The following SLC28A1 variants were observed in gnomAD, a reference collection of about 807,000 sequenced individuals.
SLC28A1 encodes sodium/nucleoside cotransporter 1.
SLC28A1 carries 64 observed loss-of-function variants against 74.8 expected under a neutral mutation model. The ratio of observed to expected loss-of-function variants is 0.86; its 90% CI spans 0.70 to 1.05. The LOEUF (loss-of-function observed/expected upper bound fraction) is 1.05. Among genes scored for constraint, SLC28A1 ranks in the 50% least tolerant of loss-of-function variants. The pLI, the probability that SLC28A1 is intolerant of heterozygous loss-of-function variation, is 0.00. For missense variants in SLC28A1, 828 were observed against 822.8 expected, an observed-to-expected ratio of 1.01 and a Z score of -0.08; for synonymous variants, 359 against 335.0, an observed-to-expected ratio of 1.07 and a Z score of -0.78.
intron 10 of SLC28A1, 44 bp downstream of exon 10, chr15:84,918,648 A>G (rs760346298): frequency 6.9e-5 from 99 of 1,441,974 alleles, no homozygotes; most frequent in Non-Finnish European, 9.6e-5. Flanking sequence ...CAGAGTCACC[A>G]GCTCACAGGG....
In SLC28A1 at chr15:84,923,972, T is replaced by C. The variant is rs1970175084; in HGVS notation, c.958-13T>C. 6.2e-7 allele frequency: 1 copy of C among 1,613,858 alleles called. No individual in the cohort carries two copies. The highest frequency in any genetic ancestry group is 1.3e-5 in the African/African-American group (1 of 74,892). ...CCCCCACCCTGCTTGTCTGACATCT[T>C]TCCTGTTTGCAGACCGAGGCTCCAT... On this transcript the variant is annotated splice_polypyrimidine_tract_variant and intron_variant, in intron 11 of 18. Transcript: ENST00000394573.
At position 84,918,580 on chromosome 15, in the gene SLC28A1, C is replaced by T; in HGVS notation, c.852C>T (p.Gly284=). 1.2e-6 allele frequency: 2 copies of T among 1,613,620 alleles called. No individual in the cohort carries two copies. The highest frequency in any genetic ancestry group is 1.1e-5 in the South Asian group (1 of 91,064). ...TCATATCCGTTCTCTACCACGTGGG[C>T]CTCATGCAGTGGGTGATCCTGAAGG... ...SCVISVLYHV[G]LMQWVILKIA... is the part of the protein sequence containing the mutation. The change falls in exon 10 of 19, where the codon GGC becomes GGT. Residue 284 remains glycine, a synonymous_variant. Coordinates refer to ENST00000394573, the MANE Select transcript of SLC28A1 (RefSeq NM_004213.5).
In SLC28A1 at chr15:84,944,673, A is replaced by C; in HGVS notation, c.1762+9A>C. The C allele has an allele frequency of 6.2e-7, 1 of 1,610,254 alleles. No individual in the cohort carries two copies. Among genetic ancestry groups the C allele is most frequent in the East Asian group, 2.2e-5 (1 of 44,846 alleles). ...GAACGCCTGTATGGCAGGTGAGTGCAGGCCTGGCAGGCTCAGAAGGTGGAA... is the reference window on the plus strand; with the variant it reads ...GAACGCCTGTATGGCAGGTGAGTGCCGGCCTGGCAGGCTCAGAAGGTGGAA... On this transcript the variant is annotated intron_variant, in intron 17 of 18. Transcript: ENST00000394573.
At position 84,933,324 on chromosome 15, in the gene SLC28A1, G is replaced by A. The variant is rs758077262; in HGVS notation, c.1214+49G>A. The A allele has an allele frequency of 1.2e-5, 19 of 1,600,824 alleles. No individual in the cohort carries two copies. In the East Asian group the frequency reaches 3.6e-4, roughly 31 times the overall value. ...AGACAGGGTAGTGGTACAAGGTGGGGGGAGCAAAGCAGAGGGTCCCGTTCT... is the reference window on the plus strand; with the variant it reads ...AGACAGGGTAGTGGTACAAGGTGGGAGGAGCAAAGCAGAGGGTCCCGTTCT... On this transcript the variant is annotated intron_variant, in intron 13 of 18. Transcript: ENST00000394573.
intron 15 of SLC28A1, among the ~76,000 whole-genome samples, chr15:84,936,080 C>T (rs1971891474): frequency 6.7e-6 from 1 of 149,578 alleles, no homozygotes; most frequent in African/African-American, 2.5e-5. Flanking sequence ...TCAGCCTCTC[C>T]AAGTAGCTGG....
intron 5 of SLC28A1, among the ~76,000 whole-genome samples, chr15:84,894,032 T>G (rs1230617711): frequency 1.3e-5 from 2 of 152,178 alleles, no homozygotes; most frequent in Non-Finnish European, 2.9e-5. Context: ...TATCCATGGC[T>G]ATGAGTCCTT....
At chr15:84,889,740 C>T (rs1434317146) in intron 4 of SLC28A1, among the ~76,000 whole-genome samples, 2 of 82,142 alleles carry the variant, frequency 2.4e-5, no homozygotes, top group South Asian at 4.2e-4. Context: ...TTCCTTCCTT[C>T]CTTCCTTCCT....
rs71135327 is a variant in SLC28A1, at chr15:84,906,573, T to TCTTC, written c.717+971_717+974dup. Among the ~76,000 whole-genome samples, 225 of 97,948 alleles carry TCTTC rather than the reference T, an allele frequency of 2.3e-3. 1 individual carries two copies. The highest frequency in any genetic ancestry group is 6.9e-3 in the African/African-American group (192 of 27,784). 64.3% of individuals were successfully genotyped at this position (97,948 alleles called of 152,430 possible). A position where few individuals can be genotyped will look rare whatever the true frequency, so the allele number is the denominator to read the frequency against. ...CTTTCTTTCTTTCTTTCTCTTTCTT[T>TCTTC]CTTCCTTCCTTCCTTCCTTCCTTCC... On this transcript the variant is annotated intron_variant, in intron 8 of 18. Coordinates refer to ENST00000394573, the MANE Select transcript of SLC28A1 (RefSeq NM_004213.5).
At chr15:84,930,752 C>T (rs781365711) in intron 12 of SLC28A1, among the ~76,000 whole-genome samples, 10 of 151,636 alleles carry the variant, frequency 6.6e-5, no homozygotes, top group Non-Finnish European at 1.3e-4. Context: ...ATTACAGGCA[C>T]CCACCACCAC....
rs765376775 is a variant in SLC28A1 at position 84,933,148 on chromosome 15, G to A, written c.1087G>A (p.Asp363Asn). 9 of 1,613,130 alleles carry A rather than the reference G, an allele frequency of 5.6e-6. No homozygotes were observed. Among genetic ancestry groups the A allele is most frequent in the African/African-American group, 1.3e-5 (1 of 74,998 alleles). The stretch of plus-strand genomic sequence containing the variant: ...ACCTGCACTCTCACTCTTGCAGATC[G>A]ATGCCACCTCGTTGATTGCAGCCTC... ...LLGAYISFGI[D>N]ATSLIAASVM... The change falls in exon 13 of 19, where the codon GAT becomes AAT. Residue 363 changes from aspartate (D) to asparagine (N), a missense_variant. Physicochemically the swap from Asp to Asn is conservative, Grantham distance 23 (BLOSUM62 1). This residue lies in a region of SLC28A1 where 767 missense variants were observed against 753.5 expected (regional missense o/e 1.02). Transcript: ENST00000394573.
chr15:84,944,670 T>C lies in SLC28A1; in HGVS notation c.1762+6T>C, dbSNP rs1314660922. Reference sequence around the variant, plus strand: ...GGTGAACGCCTGTATGGCAGGTGAGTGCAGGCCTGGCAGGCTCAGAAGGTG... The same window carrying C: ...GGTGAACGCCTGTATGGCAGGTGAGCGCAGGCCTGGCAGGCTCAGAAGGTG... On this transcript the variant is annotated splice_donor_region_variant and intron_variant, in intron 17 of 18. Coordinates refer to ENST00000394573, the MANE Select transcript of SLC28A1 (RefSeq NM_004213.5). 1.2e-5 allele frequency: 20 copies of C among 1,611,462 alleles called. No individual in the cohort carries two copies. Among genetic ancestry groups the C allele is most frequent in the Non-Finnish European group, 1.7e-5 (20 of 1,177,666 alleles).
intron 6 of SLC28A1, chr15:84,895,686 C>G: frequency 7.2e-7 from 1 of 1,397,078 alleles, no homozygotes; most frequent in South Asian, 1.6e-5. Flanking sequence ...CCCAGCCCAC[C>G]ATTTCACCAG....
chr15:84,971,552 G>A, the SLC28A1 span, among the ~76,000 whole-genome samples: 4 of 152,150 alleles, frequency 2.6e-5, no homozygotes, highest in African/African-American at 9.7e-5. Context: ...AGAGGAAGCA[G>A]CCTGTGGCCC....
chr15:84,913,154 G>A (rs1567151614), intron 9 of SLC28A1, among the ~76,000 whole-genome samples: 1 of 152,308 alleles, frequency 6.6e-6, no homozygotes, highest in East Asian at 1.9e-4. Context: ...TTGGAGATGA[G>A]TCCCTTCCAC....
At chr15:84,930,614 C>CTT (rs10609233) in intron 12 of SLC28A1, among the ~76,000 whole-genome samples, 1,505 of 103,470 alleles carry the variant, frequency 0.015, 80 homozygotes, top group African/African-American at 0.054. Context: ...CTGCCCTCTG[C>CTT]TTTTTTTTTT....
intron 7 of SLC28A1, among the ~76,000 whole-genome samples, chr15:84,905,025 C>T (rs1244040216): frequency 6.6e-6 from 1 of 152,202 alleles, no homozygotes; most frequent in Non-Finnish European, 1.5e-5. Flanking sequence ...ATTAAATGCT[C>T]ATCAAGGAAC....
chr15:84,946,112 A>ATT (rs1165709632), downstream of SLC28A1, among the ~76,000 whole-genome samples: 8 of 13,476 alleles, frequency 5.9e-4, 3 homozygotes, highest in Admixed American at 2.8e-3. Context: ...ATATATATAT[A>ATT]TTTTTTTTTT....
chr15:84,918,483 C>G, intron 9 of SLC28A1, 41 bp from the exon 10 acceptor site: 1 of 1,544,522 alleles, frequency 6.5e-7, no homozygotes, highest in Non-Finnish European at 9.0e-7. Context: ...CTGCATCCTG[C>G]CTGCCTCTAA....
intron 8 of SLC28A1, among the ~76,000 whole-genome samples, chr15:84,906,745 C>G (rs1967313701): frequency 6.6e-6 from 1 of 151,548 alleles, no homozygotes; most frequent in African/African-American, 2.4e-5. Context: ...GCCACGGTGC[C>G]CAGCCAATTC....
Sources: gnomAD v4.1 joint callset for allele counts (sites outside exome capture counted in the v4.1 genomes callset) on GRCh38, gnomAD v4.1.1 for gene constraint, gnomAD v4.1.1 regional missense constraint, MANE v1.5 for transcripts, NCBI Gene and HGNC (gene_info 2026-07-23, HGNC 2026-07-21) for gene names.